Variants in SYNRG observed in about 807,000 individuals in gnomAD.
SYNRG encodes AP1 gamma subunit binding protein 1.
In SYNRG, 37 loss-of-function variants were observed where a neutral mutation model predicts 130.9. The observed-to-expected ratio is 0.28, with a 90% confidence interval of 0.22 to 0.37. SYNRG has a LOEUF of 0.37. Ranked by LOEUF, SYNRG falls within the 10% of genes least tolerant of loss-of-function variation. The probability of loss-of-function intolerance (pLI) is 1.00; values close to 1 mark genes in which losing one functional copy is unlikely to be tolerated. For synonymous variants in SYNRG, 539 were observed against 568.1 expected (o/e 0.95, Z 0.73); for missense variants, 1,338 against 1,588.9 (o/e 0.84, Z 2.68).
intron 15 of SYNRG, 25 bp downstream of exon 15, chr17:37,541,947 A>T: frequency 6.3e-7 from 1 of 1,589,930 alleles, no homozygotes. Flanking sequence ...CCACAATAGT[A>T]AAATCTACCT....
At chr17:37,583,677 G>A (rs1265676250) in intron 6 of SYNRG, among the ~76,000 whole-genome samples, 1 of 152,116 alleles carries the variant, frequency 6.6e-6, no homozygotes, top group Non-Finnish European at 1.5e-5. Context: ...CTGATAAAAT[G>A]TCAAAACGTT....
At position 37,609,149 on chromosome 17, in the gene SYNRG, G is replaced by A. The variant is rs533919638; in HGVS notation, c.77+130C>T. The A allele has an allele frequency of 1.2e-4, 132 of 1,096,770 alleles. 1 individual carries two copies. The African/African-American group carries it at 1.8e-3, about 15-fold the overall frequency. The allele number at this position is 1,096,770 out of a possible 1,614,324, so 67.9% of individuals were successfully genotyped here. On this transcript the variant is annotated intron_variant, in intron 1 of 21. Coordinates refer to ENST00000612223, the MANE Select transcript of SYNRG (RefSeq NM_007247.6). ...GCCCCTTTCGGCCTGGGTCCCTGGG[G>A]GATGACCCTCCTCCCGCAGCCCAGT... is the stretch of plus-strand genomic sequence containing the variant.
rs1241296806 is a variant in SYNRG at position 37,603,881 on chromosome 17, T to C, written c.78-3478A>G. On this transcript the variant is annotated intron_variant, in intron 1 of 21. Coordinates refer to ENST00000612223, the MANE Select transcript of SYNRG (RefSeq NM_007247.6). ...AGGCCCTAACAAGACAGTCAGCCTG[T>C]CCTTTGGTGCCAGACATTGACTTCT... Among the ~76,000 whole-genome samples, 4 of 152,180 alleles carry C rather than the reference T, an allele frequency of 2.6e-5. No homozygotes were observed. In the East Asian group the frequency reaches 7.7e-4, roughly 29 times the overall value.
chr17:37,545,295 G>A (rs1485500042), intron 14 of SYNRG, among the ~76,000 whole-genome samples: 1 of 151,894 alleles, frequency 6.6e-6, no homozygotes, highest in Non-Finnish European at 1.5e-5. Context: ...ACTCGGGAGG[G>A]TGAGGCAGGA....
At chr17:37,569,606 G>A (rs1360297857) in intron 10 of SYNRG, among the ~76,000 whole-genome samples, 17 of 140,152 alleles carry the variant, frequency 1.2e-4, no homozygotes, top group African/African-American at 4.0e-4. Context: ...AGTGAGCCAC[G>A]ACCGTGCCAC....
chr17:37,572,856 ATGT>A (rs972268488), intron 8 of SYNRG, among the ~76,000 whole-genome samples: 1 of 152,220 alleles, frequency 6.6e-6, no homozygotes, highest in Non-Finnish European at 1.5e-5. Context: ...CAAGTGGGAA[ATGT>A]TGTTAGATAC....
Position 37,540,370 on chromosome 17 carries a change from C to T in SYNRG, c.3366+10G>A, listed in dbSNP as rs1568315968. On this transcript the variant is annotated intron_variant, in intron 16 of 21. Transcript: ENST00000612223. ...TGTTACCCACCCCTTGTAGAAAGCT[C>T]TCCTCTCACCTCCACCTCTCCCGTC... 1 of 1,612,832 alleles carries T rather than the reference C, an allele frequency of 6.2e-7. No homozygotes were observed. Among genetic ancestry groups the T allele is most frequent in the Non-Finnish European group, 8.5e-7 (1 of 1,179,616 alleles).
intron 1 of SYNRG, among the ~76,000 whole-genome samples, chr17:37,609,024 C>T (rs1431335135): frequency 1.3e-5 from 2 of 148,836 alleles, no homozygotes; most frequent in Non-Finnish European, 3.0e-5. Context: ...TCTTCTCTCC[C>T]CTCCCACACT....
chr17:37,570,998 C>T (rs2060391729), intron 9 of SYNRG, 113 bp from the exon 10 acceptor site: 3 of 1,324,708 alleles, frequency 2.3e-6, no homozygotes, highest in Non-Finnish European at 1.0e-6. Flanking sequence ...TCCACTCCAA[C>T]TCTCAAAACT....
At chr17:37,609,171 C>T in intron 1 of SYNRG, 108 bp downstream of exon 1, 1 of 1,220,502 alleles carries the variant, frequency 8.2e-7, no homozygotes, top group South Asian at 2.1e-5. Context: ...TCCCGCAGCC[C>T]AGTTCCAAGG....
At position 37,515,412 on chromosome 17, in the gene SYNRG, T is replaced by TAA. The variant is rs2054350828; in HGVS notation, c.*3527_*3528insTT. Reference sequence around the variant, plus strand: ...ATGGCAAATGTCTGAAAATGTCAGTTTATTAACTGTTCACAAAGGCAGGCA... The same window carrying TAA: ...ATGGCAAATGTCTGAAAATGTCAGTTAATATTAACTGTTCACAAAGGCAGGCA... On this transcript the variant is annotated 3_prime_UTR_variant, in exon 22 of 22. Coordinates refer to ENST00000612223, the MANE Select transcript of SYNRG (RefSeq NM_007247.6). The TAA allele has an allele frequency of 1.3e-5, 2 of 148,200 alleles. No individual in the cohort carries two copies. The highest frequency in any genetic ancestry group is 3.0e-5 in the Non-Finnish European group (2 of 67,004). The allele number at this position is 148,200 out of a possible 1,614,324, so 9.2% of individuals were successfully genotyped here.
rs762050930 is a variant in SYNRG at position 37,570,745 on chromosome 17, C to A, written c.1239G>T (p.Met413Ile). 6.2e-7 allele frequency: 1 copy of A among 1,614,188 alleles called. No individual in the cohort carries two copies. Among genetic ancestry groups the A allele is most frequent in the South Asian group, 1.1e-5 (1 of 91,088 alleles). ...TVIPSGPAGS[M>I]PLSLGQPVMG... ...TGACTGGCTGTCCAAGGCTGAGGGG[C>A]ATGGAGCCCGCAGGACCTGAAGGTA... The change falls in exon 10 of 22, where the codon ATG becomes ATT. Residue 413 changes from methionine to isoleucine, a missense_variant. Physicochemically the swap from Met to Ile is conservative, Grantham distance 10. This residue lies in a region of SYNRG where 1,146 missense variants were observed against 1,342.3 expected (regional missense o/e 0.85). Coordinates refer to ENST00000612223, the MANE Select transcript of SYNRG (RefSeq NM_007247.6).
chr17:37,529,858 G>A (rs1307625312), intron 19 of SYNRG: 1 of 1,551,424 alleles, frequency 6.4e-7, no homozygotes, highest in South Asian at 1.2e-5. Flanking sequence ...AGCACTAGGA[G>A]AGAAGAGATG....
chr17:37,572,430 C>CA (rs1406395987), intron 8 of SYNRG, among the ~76,000 whole-genome samples: 535 of 117,734 alleles, frequency 4.5e-3, no homozygotes, highest in African/African-American at 0.014. Flanking sequence ...GACTCCGTTT[C>CA]AAAAAAAAAA....
chr17:37,536,447 G>A lies in SYNRG; in HGVS notation c.3518-320C>T, dbSNP rs149910288. On this transcript the variant is annotated intron_variant, in intron 18 of 21. Coordinates refer to ENST00000612223, the MANE Select transcript of SYNRG (RefSeq NM_007247.6). ...GGGATGGTAACAGTAGCTCCTCCAA[G>A]GATGGTTGAGAGGATTAAATAGGGT... The A allele has an allele frequency of 2.9e-3, 954 of 328,652 alleles. 15 individuals carry two copies. The highest frequency in any genetic ancestry group is 0.018 in the African/African-American group (832 of 46,870). The allele number at this position is 328,652 out of a possible 1,614,324, so 20.4% of individuals were successfully genotyped here.
rs1276274887 is a variant in SYNRG at position 37,520,162 on chromosome 17, G to A, written c.3813+17C>T. Reference sequence around the variant, plus strand: ...ATTAAAATGGAGACGCTAAGATAAGGTGTAACTGGTTCATACTTTTTTAGG... The same window carrying A: ...ATTAAAATGGAGACGCTAAGATAAGATGTAACTGGTTCATACTTTTTTAGG... On this transcript the variant is annotated intron_variant, in intron 21 of 21. Coordinates refer to ENST00000612223, the MANE Select transcript of SYNRG (RefSeq NM_007247.6). The A allele has an allele frequency of 1.2e-6, 2 of 1,614,078 alleles. No homozygotes were observed. Among genetic ancestry groups the A allele is most frequent in the Non-Finnish European group, 8.5e-7 (1 of 1,179,968 alleles).
chr17:37,609,336 G>A lies in SYNRG; in HGVS notation c.20C>T (p.Ala7Val). MALRPG[A>V]GSGGGGAAGA... ...CGCGGCCCCGCCGCCACCAGAACCA[G>A]CTCCTGGCCGCAGCGCCATCTTGCT... Residue 7 changes from alanine to valine, a missense_variant, in exon 1 of 22, where the codon GCT (alanine) becomes GTT (valine). This residue lies in a region of SYNRG where 184 missense variants were observed against 217.2 expected (regional missense o/e 0.85). Coordinates refer to ENST00000612223, the MANE Select transcript of SYNRG (RefSeq NM_007247.6). The A allele has an allele frequency of 2.1e-6, 3 of 1,461,560 alleles. No homozygotes were observed. The highest frequency in any genetic ancestry group is 2.7e-6 in the Non-Finnish European group (3 of 1,113,506). The allele number at this position is 1,461,560 out of a possible 1,614,324, so 90.5% of individuals were successfully genotyped here.
intron 2 of SYNRG, among the ~76,000 whole-genome samples, chr17:37,597,226 C>T (rs1264381654): frequency 1.3e-5 from 2 of 152,210 alleles, no homozygotes; most frequent in African/African-American, 2.4e-5. Flanking sequence ...CGAGCCACCT[C>T]GGCAGCATCT....
intron 1 of SYNRG, among the ~76,000 whole-genome samples, chr17:37,608,779 G>A (rs2064057083): frequency 6.6e-6 from 1 of 152,120 alleles, no homozygotes; most frequent in South Asian, 2.1e-4. Context: ...AGGAAATAAA[G>A]AGGACAGGAC....
Sources: gnomAD v4.1 joint callset for allele counts (sites outside exome capture counted in the v4.1 genomes callset) on GRCh38, gnomAD v4.1.1 for gene constraint, gnomAD v4.1.1 regional missense constraint, MANE v1.5 for transcripts, NCBI Gene and HGNC (gene_info 2026-07-23, HGNC 2026-07-21) for gene names.